The following RASGRF2 variants were observed in gnomAD, a reference collection of about 807,000 sequenced individuals.
RASGRF2 encodes the protein Ras protein specific guanine nucleotide releasing factor 2, also known as ras-specific guanine nucleotide-releasing factor 2.
Under a neutral mutation model 151.0 loss-of-function variants are expected in RASGRF2, and 76 were observed. The observed-to-expected ratio is 0.50, with a 90% CI of 0.42 to 0.61. The LOEUF is 0.61. RASGRF2 is among the 20% of genes least tolerant of loss of function. RASGRF2 has a pLI of 0.00. For missense variants in RASGRF2, 1,148 were observed against 1,564.6 expected, an observed-to-expected ratio of 0.73 and a Z score of 4.49; for synonymous variants, 504 against 566.5, an observed-to-expected ratio of 0.89 and a Z score of 1.57.
chr5:81,122,479 T>A (rs1753336470), intron 15 of RASGRF2, among the ~76,000 whole-genome samples: 1 of 152,208 alleles, frequency 6.6e-6, no homozygotes, highest in Admixed American at 6.5e-5. Flanking sequence ...CTGGCCCCTT[T>A]GTGTTTCAAA....
At chr5:81,063,687 GT>G (rs1337630382) in intron 2 of RASGRF2, among the ~76,000 whole-genome samples, 1 of 151,338 alleles carries the variant, frequency 6.6e-6, no homozygotes, top group Non-Finnish European at 1.5e-5. Context: ...TTATATTTTT[GT>G]TTAGTGTTCT....
At chr5:81,216,932 A>G (rs1480422141) in intron 24 of RASGRF2, 2 of 452,324 alleles carry the variant, frequency 4.4e-6, no homozygotes, top group Non-Finnish European at 8.9e-6. Context: ...TTACCAGTGC[A>G]AAGCTCTAAC....
intron 17 of RASGRF2, among the ~76,000 whole-genome samples, chr5:81,145,349 A>T (rs1397668220): frequency 1.3e-5 from 2 of 152,118 alleles, no homozygotes. Context: ...GGGTTTCTGT[A>T]GTGCTGCCAT....
rs147689932 is a variant in RASGRF2 at position 81,196,492 on chromosome 5, A to C, written c.2794-4838A>C. On this transcript the variant is annotated intron_variant, in intron 18 of 26. Coordinates refer to ENST00000265080, the MANE Select transcript of RASGRF2 (RefSeq NM_006909.3). ...AAATAGTGTCTTGGCAGATTTCATT[A>C]AGTCCTTCAAAGGTCCCTCTCAGAC... Among the ~76,000 whole-genome samples the C allele has an allele frequency of 1.6e-3, 249 of 152,330 alleles. 2 individuals are homozygous for C. Among genetic ancestry groups the C allele is most frequent in the African/African-American group, 5.8e-3 (240 of 41,568 alleles).
At position 80,998,547 on chromosome 5, in the gene RASGRF2, C is replaced by A. The variant is rs548691173; in HGVS notation, c.288+37521C>A. On this transcript the variant is annotated intron_variant, in intron 1 of 26. Coordinates refer to ENST00000265080, the MANE Select transcript of RASGRF2 (RefSeq NM_006909.3). Reference sequence around the variant, plus strand: ...TTTAAGAAATGAGTTTAAATACATTCTCTTTCCAGTGTGCTCACTGCATCA... The same window carrying A: ...TTTAAGAAATGAGTTTAAATACATTATCTTTCCAGTGTGCTCACTGCATCA... 8.5e-5 allele frequency among the ~76,000 whole-genome samples: 13 copies of A among 152,372 alleles called. No individual in the cohort carries two copies. The South Asian group carries it at 2.7e-3, about 32-fold the overall frequency.
chr5:80,987,600 G>T (rs1346769716), intron 1 of RASGRF2, among the ~76,000 whole-genome samples: 5 of 152,192 alleles, frequency 3.3e-5, no homozygotes, highest in African/African-American at 1.2e-4. Context: ...GCAGACAAGG[G>T]AGGGAGCACA....
intron 17 of RASGRF2, among the ~76,000 whole-genome samples, chr5:81,134,800 A>G (rs1753714587): frequency 6.6e-6 from 1 of 152,194 alleles, no homozygotes; most frequent in Admixed American, 6.5e-5. Flanking sequence ...TTTGCACAGT[A>G]TGCATAATTG....
intron 1 of RASGRF2, among the ~76,000 whole-genome samples, chr5:80,995,684 T>TCCCCCCCCC (rs34823229): frequency 7.2e-5 from 5 of 69,472 alleles, no homozygotes; most frequent in Admixed American, 2.3e-4. Context: ...TTCCTTTCCT[T>TCCCCCCCCC]CCCCCCCCCT....
At chr5:80,966,083 T>TGTG (rs1747712419) in intron 1 of RASGRF2, among the ~76,000 whole-genome samples, 1 of 149,638 alleles carries the variant, frequency 6.7e-6, no homozygotes, top group African/African-American at 2.5e-5. Flanking sequence ...GGATATATGT[T>TGTG]TGTGTGTGTG....
chr5:81,010,485 A>G (rs1204460753), intron 1 of RASGRF2, among the ~76,000 whole-genome samples: 6 of 152,102 alleles, frequency 3.9e-5, no homozygotes, highest in East Asian at 1.9e-4. Flanking sequence ...AAAACGCATT[A>G]CTCTGGAGAG....
chr5:81,197,476 A>AAG (rs1220752933), intron 18 of RASGRF2, among the ~76,000 whole-genome samples: 1 of 150,862 alleles, frequency 6.6e-6, no homozygotes, highest in Non-Finnish European at 1.5e-5. Context: ...AAAAAAAAAA[A>AAG]AAAAAAAAAA....
intron 1 of RASGRF2, among the ~76,000 whole-genome samples, chr5:81,000,648 A>G (rs747492226): frequency 1.3e-5 from 2 of 152,194 alleles, no homozygotes; most frequent in Non-Finnish European, 2.9e-5. Flanking sequence ...ATGTGTCAAG[A>G]GCATATCCGA....
chr5:81,085,659 G>C, intron 7 of RASGRF2, 143 bp from the exon 8 acceptor site: 1 of 1,317,326 alleles, frequency 7.6e-7, no homozygotes. Flanking sequence ...CATTTTATTT[G>C]TATTTCTTTT....
intron 17 of RASGRF2, among the ~76,000 whole-genome samples, chr5:81,170,054 C>G (rs1754618208): frequency 6.6e-6 from 1 of 151,930 alleles, no homozygotes; most frequent in South Asian, 2.1e-4. Context: ...ACCTGCACTC[C>G]CTGCACCACT....
chr5:81,138,957 A>C (rs1753820244), intron 17 of RASGRF2, among the ~76,000 whole-genome samples: 1 of 152,014 alleles, frequency 6.6e-6, no homozygotes, highest in Non-Finnish European at 1.5e-5. Context: ...CTTTATTGTG[A>C]TCTATTAATT....
intron 17 of RASGRF2, among the ~76,000 whole-genome samples, chr5:81,178,011 A>G (rs1334971440): frequency 6.6e-6 from 1 of 152,254 alleles, no homozygotes; most frequent in Admixed American, 6.5e-5. Context: ...CCTAAGAGCC[A>G]TCTAAAGAGC....
At chr5:81,135,144 C>CA (rs111886459) in intron 17 of RASGRF2, among the ~76,000 whole-genome samples, 14,982 of 135,064 alleles carry the variant, frequency 0.11, 2,392 homozygotes, top group African/African-American at 0.36. Flanking sequence ...CCATTTCTAC[C>CA]AAAAAAAAAA....
intron 2 of RASGRF2, among the ~76,000 whole-genome samples, chr5:81,056,415 A>G (rs1475282087): frequency 6.6e-6 from 1 of 152,186 alleles, no homozygotes; most frequent in Non-Finnish European, 1.5e-5. Context: ...CAGGTTGTTC[A>G]GTTTCCATGT....
At chr5:81,018,317 CCT>C (rs753251339) in intron 1 of RASGRF2, among the ~76,000 whole-genome samples, 14 of 152,048 alleles carry the variant, frequency 9.2e-5, no homozygotes, top group East Asian at 7.7e-4. Flanking sequence ...AGTATTTCCC[CCT>C]GTTTTATGCC....
Sources: allele counts gnomAD v4.1 joint callset (sites outside exome capture counted in the v4.1 genomes callset), GRCh38; gene constraint gnomAD v4.1.1; transcripts MANE v1.5; gene names NCBI Gene and HGNC (gene_info 2026-07-23, HGNC 2026-07-21).